Variants in ZDHHC11 observed in about 807,000 individuals in gnomAD.
The protein encoded by ZDHHC11 is palmitoyltransferase ZDHHC11.
A neutral mutation model predicts 51.3 loss-of-function variants in ZDHHC11; 44 were observed. That is an observed-to-expected ratio of 0.86 (90% CI 0.67 to 1.10). ZDHHC11 has a LOEUF of 1.10. ZDHHC11 is among the 50% of genes least tolerant of loss of function. The probability of loss-of-function intolerance (pLI) is 0.00; values close to 1 mark genes in which losing one functional copy is unlikely to be tolerated. For missense variants in ZDHHC11, 400 were observed against 537.7 expected (o/e 0.74, Z 2.53); for synonymous variants, 163 against 222.0 (o/e 0.73, Z 2.36).
At chr5:820,313 A>G (rs1741402825) in intron 9 of ZDHHC11, among the ~76,000 whole-genome samples, 1 of 151,620 alleles carries the variant, frequency 6.6e-6, no homozygotes, top group Non-Finnish European at 1.5e-5. Context: ...TTCATAGAAG[A>G]CTTAATGGGT....
At chr5:831,376 G>A (rs1040782492) in intron 7 of ZDHHC11, among the ~76,000 whole-genome samples, 1 of 149,530 alleles carries the variant, frequency 6.7e-6, no homozygotes, top group African/African-American at 2.5e-5. Context: ...TTGAAGTCAA[G>A]AGTTCAAGAC....
chr5:814,839 C>G (rs779777710), intron 10 of ZDHHC11, 44 bp from the exon 11 acceptor site: 2 of 1,489,698 alleles, frequency 1.3e-6, no homozygotes, highest in African/African-American at 2.8e-5. Context: ...GAACAAAGAC[C>G]TTGTTGACAT....
At chr5:829,432 C>T (rs1303653933) in intron 7 of ZDHHC11, among the ~76,000 whole-genome samples, 5 of 151,878 alleles carry the variant, frequency 3.3e-5, no homozygotes, top group African/African-American at 1.2e-4. Context: ...AATATACAAC[C>T]CACCTAGATT....
intron 10 of ZDHHC11, among the ~76,000 whole-genome samples, chr5:815,674 C>G (rs1203354063): frequency 6.6e-6 from 1 of 151,624 alleles, no homozygotes. Flanking sequence ...GCATCAGAAG[C>G]TTTGCCAAAC....
chr5:848,933 C>T (rs979468585), intron 1 of ZDHHC11, among the ~76,000 whole-genome samples: 1 of 149,782 alleles, frequency 6.7e-6, no homozygotes, highest in Non-Finnish European at 1.5e-5. Flanking sequence ...CCCTGCACAG[C>T]CAGCCCTGCA....
At chr5:858,325 C>G in intron 1 of ZDHHC11, among the ~76,000 whole-genome samples, 1 of 151,550 alleles carries the variant, frequency 6.6e-6, no homozygotes, top group South Asian at 2.1e-4. Context: ...TTTATGACAC[C>G]AGGCCCCTAG....
At chr5:816,889 A>C (rs1579603110) in intron 10 of ZDHHC11, 1 of 451,490 alleles carries the variant, frequency 2.2e-6, no homozygotes, top group East Asian at 5.4e-5. Context: ...AGCCAAGTTC[A>C]CCAAGTCTAT....
chr5:831,343 G>A lies in ZDHHC11; in HGVS notation c.935+2430C>T, dbSNP rs931218046. 5.8e-4 allele frequency among the ~76,000 whole-genome samples: 86 copies of A among 149,436 alleles called. 4 individuals carry two copies. Among genetic ancestry groups the A allele is most frequent in the South Asian group, 3.6e-3 (17 of 4,694 alleles). ...TCATGTCTGTAATCCCAGTCCTTTC[G>A]GAGGCTGGGGCAGGCAGATCACTTG... On this transcript the variant is annotated intron_variant, in intron 7 of 12. Transcript: ENST00000283441.
upstream of ZDHHC11, among the ~76,000 whole-genome samples, chr5:852,199 C>T (rs1446312241): frequency 1.3e-5 from 2 of 152,176 alleles, no homozygotes; most frequent in South Asian, 2.1e-4. Context: ...GAAATGATGT[C>T]GCCAAGTCAC....
intron 7 of ZDHHC11, among the ~76,000 whole-genome samples, chr5:828,303 G>A (rs1050624361): frequency 1.3e-5 from 2 of 151,296 alleles, no homozygotes; most frequent in East Asian, 1.9e-4. Context: ...TCACTTCCCA[G>A]AAGGGGCGGC....
At chr5:807,934 A>T (rs1284601976) in intron 11 of ZDHHC11, among the ~76,000 whole-genome samples, 1 of 151,134 alleles carries the variant, frequency 6.6e-6, no homozygotes, top group African/African-American at 2.5e-5. Flanking sequence ...TCAGAGCAAC[A>T]GGATCAGACG....
At position 850,460 on chromosome 5, in the gene ZDHHC11, A is replaced by G; in HGVS notation, c.143T>C (p.Val48Ala). The G allele has an allele frequency of 1.2e-6, 2 of 1,613,654 alleles. No homozygotes were observed. Among genetic ancestry groups the G allele is most frequent in the East Asian group, 4.5e-5 (2 of 44,878 alleles). The change falls in exon 1 of 13, where the codon GTC (valine) becomes GCC (alanine). Residue 48 changes from valine (V) to alanine (A), a missense_variant. Around this residue, in one of 5 missense-constraint regions of ZDHHC11, gnomAD observed 119 missense variants for 99.6 expected, o/e 1.20. Transcript: ENST00000283441. ...LHYFQVVTWA[V>A]FVGLSSATFG... ...GGTGGCCGAGGAAAGGCCCACGAAGACAGCCCAGGTCACCACCTGGAAGTA... is the reference window on the plus strand; with the variant it reads ...GGTGGCCGAGGAAAGGCCCACGAAGGCAGCCCAGGTCACCACCTGGAAGTA...
At chr5:840,852 G>C in intron 4 of ZDHHC11, 1 of 1,460,740 alleles carries the variant, frequency 6.8e-7, no homozygotes, top group Non-Finnish European at 9.1e-7. Context: ...CATGATCCCT[G>C]CTTTATGGAT....
chr5:824,439 T>A (rs1316050286), intron 8 of ZDHHC11, among the ~76,000 whole-genome samples: 2 of 151,336 alleles, frequency 1.3e-5, no homozygotes, highest in Non-Finnish European at 3.0e-5. Context: ...CCATGTTGGG[T>A]GATGGAGTGA....
chr5:845,842 G>C (rs1267732180), intron 3 of ZDHHC11, among the ~76,000 whole-genome samples: 2 of 149,616 alleles, frequency 1.3e-5, no homozygotes, highest in African/African-American at 5.1e-5. Flanking sequence ...CTCTCCTGAT[G>C]CCCCTTTCCC....
intron 7 of ZDHHC11, among the ~76,000 whole-genome samples, chr5:828,461 C>T (rs953751465): frequency 2.6e-5 from 4 of 151,378 alleles, no homozygotes; most frequent in Admixed American, 2.0e-4. Context: ...GGGGCTGACC[C>T]CCCACCTCCC....
intron 11 of ZDHHC11, among the ~76,000 whole-genome samples, chr5:801,654 C>G (rs1003419810): frequency 1.3e-5 from 2 of 151,338 alleles, no homozygotes; most frequent in Admixed American, 6.6e-5. Context: ...CAGCTAATGA[C>G]TTGATTGTTT....
chr5:813,051 C>G (rs1341694041), intron 11 of ZDHHC11, among the ~76,000 whole-genome samples: 2 of 144,404 alleles, frequency 1.4e-5, no homozygotes, highest in African/African-American at 5.4e-5. Context: ...AAATGTTGCT[C>G]CATGGCCAGA....
intron 4 of ZDHHC11, among the ~76,000 whole-genome samples, chr5:843,139 C>T (rs187864418): frequency 8.9e-4 from 135 of 151,170 alleles, no homozygotes; most frequent in Middle Eastern, 3.4e-3. Flanking sequence ...GCCCAGGCTC[C>T]GGGCCCACTT....
Sources: allele counts gnomAD v4.1 joint callset (sites outside exome capture counted in the v4.1 genomes callset), GRCh38; gene constraint gnomAD v4.1.1; regional missense constraint gnomAD v4.1.1; transcripts MANE v1.5; gene names NCBI Gene and HGNC (gene_info 2026-07-23, HGNC 2026-07-21).